Variants in SMOC2 observed in about 807,000 individuals in gnomAD.
The protein encoded by SMOC2 is SPARC-related modular calcium-binding protein 2.
Under a neutral mutation model 61.4 loss-of-function variants are expected in SMOC2, and 39 were observed. That is an observed-to-expected ratio of 0.64 (90% confidence interval 0.49 to 0.83). The LOEUF is 0.83. Ranked by LOEUF, SMOC2 falls within the 40% of genes least tolerant of loss-of-function variation. SMOC2 has a pLI of 0.00. For synonymous variants in SMOC2, 247 were observed against 239.9 expected (o/e 1.03, Z -0.27); for missense variants, 556 against 592.9 (o/e 0.94, Z 0.65).
At chr6:168,450,837 C>A (rs949938417) in intron 1 of SMOC2, among the ~76,000 whole-genome samples, 23 of 152,200 alleles carry the variant, frequency 1.5e-4, no homozygotes, top group Non-Finnish European at 2.9e-4. Flanking sequence ...AGATAATAAT[C>A]CTAAGTGTCT....
At chr6:168,542,294 T>C (rs1326987942) in intron 4 of SMOC2, among the ~76,000 whole-genome samples, 1 of 152,162 alleles carries the variant, frequency 6.6e-6, no homozygotes, top group East Asian at 1.9e-4. Context: ...TAGGGGATTC[T>C]TACCAAGAAA....
At chr6:168,571,731 C>A (rs1338273922) in intron 7 of SMOC2, among the ~76,000 whole-genome samples, 1 of 152,204 alleles carries the variant, frequency 6.6e-6, no homozygotes, top group African/African-American at 2.4e-5. Context: ...ATGGAGGTGC[C>A]CTGCCGAGGG....
At chr6:168,552,737 GT>G (rs887171148) in intron 7 of SMOC2, among the ~76,000 whole-genome samples, 8 of 152,166 alleles carry the variant, frequency 5.3e-5, no homozygotes, top group African/African-American at 1.9e-4. Flanking sequence ...CATGCCTCCT[GT>G]GGGGTTTGAA....
rs897284528 is a variant in SMOC2, at chr6:168,460,122, T to C, written c.84+18668T>C. Among the ~76,000 whole-genome samples, 14 of 152,346 alleles carry C rather than the reference T, an allele frequency of 9.2e-5. No individual in the cohort carries two copies. The East Asian group carries it at 2.5e-3, about 27-fold the overall frequency. ...TTGACTGATACCCCAAAAGATATTC[T>C]TGGTGTACTGCATTTGCCCACTTAT... On this transcript the variant is annotated intron_variant, in intron 1 of 12. Coordinates refer to ENST00000356284, the MANE Select transcript of SMOC2 (RefSeq NM_001166412.2).
chr6:168,549,954 A>G (rs983561019), intron 7 of SMOC2, among the ~76,000 whole-genome samples: 7 of 152,224 alleles, frequency 4.6e-5, no homozygotes, highest in African/African-American at 1.7e-4. Flanking sequence ...TTTGTTTGCT[A>G]TAAAGCAGTG....
At chr6:168,613,406 C>A (rs559602003) in intron 9 of SMOC2, among the ~76,000 whole-genome samples, 5 of 152,264 alleles carry the variant, frequency 3.3e-5, no homozygotes, top group Non-Finnish European at 7.4e-5. Context: ...TGGGCATGGC[C>A]CCTCTGTTAC....
chr6:168,603,724 A>C (rs1248595392), intron 8 of SMOC2, among the ~76,000 whole-genome samples: 2 of 59,820 alleles, frequency 3.3e-5, no homozygotes, highest in Non-Finnish European at 9.3e-5. Context: ...AAAAAAAAAA[A>C]CCAGTAATCC....
At chr6:168,648,923 C>T (rs561708211) in intron 9 of SMOC2, among the ~76,000 whole-genome samples, 102 of 152,332 alleles carry the variant, frequency 6.7e-4, no homozygotes, top group Admixed American at 1.0e-3. Context: ...AACGACTTGG[C>T]TGCTGTCCAC....
Position 168,648,542 on chromosome 6 carries a change from G to A in SMOC2, c.908-2139G>A, listed in dbSNP as rs189008825. Among the ~76,000 whole-genome samples the A allele has an allele frequency of 4.8e-3, 725 of 152,346 alleles. 6 individuals carry two copies. Among genetic ancestry groups the A allele is most frequent in the Non-Finnish European group, 3.8e-3 (258 of 68,028 alleles). On this transcript the variant is annotated intron_variant, in intron 9 of 12. Coordinates refer to ENST00000356284, the MANE Select transcript of SMOC2 (RefSeq NM_001166412.2). ...GGCTGGGCAGCTTTGGAAGCACCGC[G>A]GCCAGCAGCCTCTGCAGCCTCAGGT...
chr6:168,667,953 C>T lies in SMOC2; in HGVS notation c.*1515C>T, dbSNP rs1237574716. 1 of 152,124 alleles carries T rather than the reference C, an allele frequency of 6.6e-6. No individual in the cohort carries two copies. Among genetic ancestry groups the T allele is most frequent in the Non-Finnish European group, 1.5e-5 (1 of 68,036 alleles). The allele number at this position is 152,124 out of a possible 1,614,324, so 9.4% of individuals were successfully genotyped here. ...TATATTTCTGACCTTTGAATTTAAT[C>T]ATTGTTCTTAGATTAAAATAAAATA... On this transcript the variant is annotated 3_prime_UTR_variant, in exon 13 of 13. Coordinates refer to ENST00000356284, the MANE Select transcript of SMOC2 (RefSeq NM_001166412.2).
chr6:168,559,760 A>G (rs1443124666), intron 7 of SMOC2, among the ~76,000 whole-genome samples: 1 of 152,160 alleles, frequency 6.6e-6, no homozygotes, highest in Admixed American at 6.6e-5. Context: ...TTAACGATTT[A>G]TCTCGGGTGA....
intron 1 of SMOC2, among the ~76,000 whole-genome samples, chr6:168,459,660 G>T (rs1781675900): frequency 7.5e-6 from 1 of 133,126 alleles, no homozygotes; most frequent in South Asian, 2.7e-4. Context: ...TGGGGTGGGT[G>T]AGCACTGGAG....
chr6:168,547,704 T>A (rs979043799), intron 6 of SMOC2, among the ~76,000 whole-genome samples: 3 of 152,026 alleles, frequency 2.0e-5, no homozygotes, highest in African/African-American at 7.3e-5. Flanking sequence ...GGTAAATGTG[T>A]ATCTAAACAT....
In SMOC2 at chr6:168,518,898, TGC is replaced by T. The variant is rs369317151; in HGVS notation, c.257-7446_257-7445del. On this transcript the variant is annotated intron_variant, in intron 2 of 12. Transcript: ENST00000356284. ...TCATGTGTCTGAGCATGCGTGTGTGTGCGTGCATGTGTGAGTGAGCATGAGTG... is the reference window on the plus strand; with the variant it reads ...TCATGTGTCTGAGCATGCGTGTGTGTGTGCATGTGTGAGTGAGCATGAGTG... Among the ~76,000 whole-genome samples, 746 of 150,646 alleles carry T rather than the reference TGC, an allele frequency of 5.0e-3. 6 individuals carry two copies. Among genetic ancestry groups the T allele is most frequent in the African/African-American group, 0.017 (690 of 40,874 alleles).
chr6:168,526,541 C>A, intron 3 of SMOC2, 89 bp downstream of exon 3: 2 of 1,020,360 alleles, frequency 2.0e-6, no homozygotes, highest in Non-Finnish European at 3.1e-6. Flanking sequence ...GTGGGGGGAG[C>A]CGAACAGAAG....
intron 7 of SMOC2, among the ~76,000 whole-genome samples, chr6:168,563,571 G>T (rs904860818): frequency 6.6e-6 from 1 of 152,118 alleles, no homozygotes; most frequent in East Asian, 1.9e-4. Context: ...CACCCCCAGG[G>T]TGATGGTGTT....
At chr6:168,526,285 T>C in intron 2 of SMOC2, 61 bp from the exon 3 acceptor site, 2 of 1,458,644 alleles carry the variant, frequency 1.4e-6, no homozygotes, top group Admixed American at 1.7e-5. Flanking sequence ...TCAATGTTCC[T>C]ATATCTGTTC....
At chr6:168,477,822 T>C (rs775238873) in intron 1 of SMOC2, among the ~76,000 whole-genome samples, 1 of 152,088 alleles carries the variant, frequency 6.6e-6, no homozygotes, top group Admixed American at 6.5e-5. Context: ...AAGCCAAAAA[T>C]ACACAACAAA....
At chr6:168,570,653 A>G (rs1185886765) in intron 7 of SMOC2, among the ~76,000 whole-genome samples, 1 of 152,190 alleles carries the variant, frequency 6.6e-6, no homozygotes, top group Non-Finnish European at 1.5e-5. Context: ...CCAACAAGAT[A>G]TGTAGGAAAT....
Sources: allele counts gnomAD v4.1 joint callset (sites outside exome capture counted in the v4.1 genomes callset), GRCh38; gene constraint gnomAD v4.1.1; transcripts MANE v1.5; gene names NCBI Gene and HGNC (gene_info 2026-07-23, HGNC 2026-07-21).